The following KEL variants were observed in gnomAD, a reference collection of about 807,000 sequenced individuals.
KEL encodes the protein kell blood group glycoprotein.
A neutral mutation model predicts 99.5 loss-of-function variants in KEL; 96 were observed. The ratio of observed to expected loss-of-function variants is 0.97; its 90% confidence interval spans 0.82 to 1.14. The LOEUF is 1.14. KEL is among the 50% of genes most tolerant of loss of function. The pLI, the probability that KEL is intolerant of heterozygous loss-of-function variation, is 0.00. For synonymous variants in KEL, 355 were observed against 354.8 expected, an observed-to-expected ratio of 1.00 and a Z score of -0.01; for missense variants, 926 against 924.2, an observed-to-expected ratio of 1.00 and a Z score of -0.03.
chr7:142,948,012 T>C lies in KEL; in HGVS notation c.1204-1695A>G, dbSNP rs1211349046. Among the ~76,000 whole-genome samples, 4 of 152,308 alleles carry C rather than the reference T, an allele frequency of 2.6e-5. No individual in the cohort carries two copies. The East Asian group carries it at 7.7e-4, about 29-fold the overall frequency. On this transcript the variant is annotated intron_variant, in intron 10 of 18. Transcript: ENST00000355265. Reference sequence around the variant, plus strand: ...TACCTCTTACCAGACAGTTGCTACATGTGGAGCAGCAACCAGCATCAGCAG... The same window carrying C: ...TACCTCTTACCAGACAGTTGCTACACGTGGAGCAGCAACCAGCATCAGCAG...
intron 2 of KEL, 134 bp downstream of exon 2, chr7:142,961,661 G>T (rs1796962714): frequency 7.8e-7 from 1 of 1,282,514 alleles, no homozygotes; most frequent in Non-Finnish European, 1.1e-6. Context: ...ACTCCTGGGA[G>T]ATGAGAAAAC....
intron 4 of KEL, among the ~76,000 whole-genome samples, chr7:142,960,658 G>GA (rs1222236117): frequency 2.0e-5 from 3 of 151,946 alleles, no homozygotes; most frequent in African/African-American, 7.3e-5. Flanking sequence ...ATTAGATAAA[G>GA]AAAAAAATGC....
At chr7:142,944,930 C>T (rs1796482936) in intron 11 of KEL, 189 bp from the exon 12 acceptor site, 1 of 639,222 alleles carries the variant, frequency 1.6e-6, no homozygotes, top group African/African-American at 1.8e-5. Flanking sequence ...AGTGCCAAGC[C>T]CACAAAGGGA....
In KEL at chr7:142,961,180, A is replaced by T. The variant is rs2293268; in HGVS notation, c.224-76T>A. 0.015 allele frequency: 23,717 copies of T among 1,554,268 alleles called. 2,590 individuals carry two copies. The African/African-American group carries it at 0.26, about 17-fold the overall frequency. Reference sequence around the variant, plus strand: ...TCCCCCAAGGGGCTAGGCAAAGAACATCAGGTGAGTAACTAAGTGGGGAGC... The same window carrying T: ...TCCCCCAAGGGGCTAGGCAAAGAACTTCAGGTGAGTAACTAAGTGGGGAGC... On this transcript the variant is annotated intron_variant, in intron 3 of 18. Coordinates refer to ENST00000355265, the MANE Select transcript of KEL (RefSeq NM_000420.3).
intron 5 of KEL, 90 bp from the exon 6 acceptor site, chr7:142,958,063 T>A: frequency 2.0e-6 from 3 of 1,501,380 alleles, no homozygotes; most frequent in South Asian, 2.4e-5. Context: ...TGCTACTGCC[T>A]GACCTCTGCC....
chr7:142,946,588 T>A (rs1229529536), intron 10 of KEL: 4 of 518,068 alleles, frequency 7.7e-6, no homozygotes, highest in Non-Finnish European at 1.4e-5. Context: ...GGAGGCATCA[T>A]CCTGGGGTTT....
chr7:142,946,012 T>C (rs7807823), intron 11 of KEL, 195 bp downstream of exon 11: 67,885 of 601,238 alleles, frequency 0.11, 11,190 homozygotes, highest in African/African-American at 0.6. Flanking sequence ...ATGGAGAATT[T>C]GTGGCCTGAA....
Position 142,943,261 on chromosome 7 carries a change from G to A in KEL, c.1771+15C>T. The A allele has an allele frequency of 6.2e-7, 1 of 1,612,964 alleles. No individual in the cohort carries two copies. Among genetic ancestry groups the A allele is most frequent in the Non-Finnish European group, 8.5e-7 (1 of 1,179,408 alleles). ...TTCCCTATTATCCCACCTCCCAGTG[G>A]CCCCTGTTACCCACAGAGCTGGTAG... On this transcript the variant is annotated intron_variant, in intron 16 of 18. Coordinates refer to ENST00000355265, the MANE Select transcript of KEL (RefSeq NM_000420.3).
At chr7:142,944,887 A>C in intron 11 of KEL, 146 bp from the exon 12 acceptor site, 1 of 700,310 alleles carries the variant, frequency 1.4e-6, no homozygotes, top group African/African-American at 1.8e-5. Flanking sequence ...AGCTCAACTA[A>C]AGCAACTAAA....
Position 142,944,706 on chromosome 7 carries a change from G to A in KEL, c.1350C>T (p.Leu450=), listed in dbSNP as rs201720053. ...AGGGAAGGTTTCTGAGGCGAGTGAT[G>A]AGGGCATCCCGGATCGCAGTGAATA... ...MKLFTAIRDA[L]ITRLRNLPWM... Residue 450 remains leucine, a synonymous_variant, in exon 12 of 19, where the codon CTC becomes CTT. Coordinates refer to ENST00000355265, the MANE Select transcript of KEL (RefSeq NM_000420.3). The A allele has an allele frequency of 6.8e-6, 11 of 1,614,058 alleles. 1 individual carries two copies. The South Asian group carries it at 1.1e-4, about 16-fold the overall frequency.
chr7:142,962,050 G>A, intron 1 of KEL, 154 bp downstream of exon 1: 2 of 1,609,900 alleles, frequency 1.2e-6, no homozygotes, highest in Non-Finnish European at 1.7e-6. Context: ...CCCTGAATGT[G>A]CCATTTCTCG....
chr7:142,945,021 G>A, intron 11 of KEL: 1 of 527,962 alleles, frequency 1.9e-6, no homozygotes, highest in Non-Finnish European at 3.4e-6. Context: ...ACAGGAGAAA[G>A]ACAGTGTCCT....
At chr7:142,960,119 T>A (rs1296722945) in intron 4 of KEL, among the ~76,000 whole-genome samples, 1 of 152,226 alleles carries the variant, frequency 6.6e-6, no homozygotes, top group Non-Finnish European at 1.5e-5. Flanking sequence ...CCAGCCTCCA[T>A]CTGCAGGAAC....
At chr7:142,955,559 C>T (rs754594496) in intron 6 of KEL, among the ~76,000 whole-genome samples, 34 of 152,078 alleles carry the variant, frequency 2.2e-4, no homozygotes, top group Non-Finnish European at 3.8e-4. Context: ...TATCATGATA[C>T]TGAGTTTTGG....
intron 8 of KEL, 48 bp downstream of exon 8, chr7:142,954,136 G>A (rs768572242): frequency 1.8e-5 from 29 of 1,568,858 alleles, no homozygotes; most frequent in African/African-American, 8.1e-5. Flanking sequence ...TAATGTTTGA[G>A]AGGAAGATCC....
At position 142,961,113 on chromosome 7, in the gene KEL, A is replaced by G; in HGVS notation, c.224-9T>C. 1 of 1,613,206 alleles carries G rather than the reference A, an allele frequency of 6.2e-7. No homozygotes were observed. The highest frequency in any genetic ancestry group is 8.5e-7 in the Non-Finnish European group (1 of 1,179,980). On this transcript the variant is annotated splice_polypyrimidine_tract_variant and intron_variant, in intron 3 of 18. Coordinates refer to ENST00000355265, the MANE Select transcript of KEL (RefSeq NM_000420.3). ...AGATGTCTCACAGGGGCCTGTGGGG[A>G]AAAGCTCAGAGCTGGGAAAGAAGAG...
At chr7:142,945,037 C>T in intron 11 of KEL, 2 of 485,602 alleles carry the variant, frequency 4.1e-6, no homozygotes, top group Admixed American at 6.6e-5. Context: ...GTCCTCACTC[C>T]TGGGGGCAGG....
chr7:142,950,427 A>T (rs1352326592), intron 10 of KEL, among the ~76,000 whole-genome samples: 4 of 152,156 alleles, frequency 2.6e-5, no homozygotes, highest in Admixed American at 2.6e-4. Flanking sequence ...AACCAGAGCC[A>T]CCAGGAGGAT....
chr7:142,958,465 A>AT (rs752441304), intron 4 of KEL, 37 bp from the exon 5 acceptor site: 181 of 1,607,456 alleles, frequency 1.1e-4, no homozygotes, highest in Admixed American at 2.4e-4. Flanking sequence ...CTAAACTCTG[A>AT]TTTTTTTTAT....
Sources: gnomAD v4.1 joint callset for allele counts (sites outside exome capture counted in the v4.1 genomes callset) on GRCh38, gnomAD v4.1.1 for gene constraint, MANE v1.5 for transcripts, NCBI Gene and HGNC (gene_info 2026-07-23, HGNC 2026-07-21) for gene names.